TRIM67: variants seen among roughly 807,000 people sequenced by gnomAD.
The protein encoded by TRIM67 is tripartite motif containing 67, also known as tripartite motif-containing protein 67.
A neutral mutation model predicts 71.0 loss-of-function variants in TRIM67; 39 were observed. That is an observed-to-expected ratio of 0.55 (90% CI 0.43 to 0.72). TRIM67 has a LOEUF of 0.72. Ranked by LOEUF, TRIM67 falls within the 30% of genes least tolerant of loss-of-function variation. TRIM67 has a pLI of 0.00. For missense variants in TRIM67, 973 were observed against 1,079.2 expected (o/e 0.90, Z 1.38); for synonymous variants, 481 against 473.9 (o/e 1.01, Z -0.19).
intron 3 of TRIM67, among the ~76,000 whole-genome samples, chr1:231,199,883 C>T (rs1482611616): frequency 2.0e-5 from 3 of 152,216 alleles, no homozygotes; most frequent in Non-Finnish European, 4.4e-5. Flanking sequence ...AGATTATGCT[C>T]TTTCTCTGCA....
At position 231,200,032 on chromosome 1, in the gene TRIM67, T is replaced by A; in HGVS notation, c.1264-116T>A. 1.6e-5 allele frequency: 12 copies of A among 730,732 alleles called. No homozygotes were observed. In the South Asian group the frequency reaches 1.8e-4, roughly 11 times the overall value. 45.3% of individuals were successfully genotyped at this position (730,732 alleles called of 1,614,324 possible). On this transcript the variant is annotated intron_variant, in intron 3 of 9. Transcript: ENST00000366653. ...TGAGAGAGGAGCTGGTGCAAGGTGGTCCAGGCCAGCGCCGCCTCTTCCAGG... is the reference window on the plus strand; with the variant it reads ...TGAGAGAGGAGCTGGTGCAAGGTGGACCAGGCCAGCGCCGCCTCTTCCAGG...
At chr1:231,164,748 G>A (rs907397610) in intron 1 of TRIM67, among the ~76,000 whole-genome samples, 8 of 152,254 alleles carry the variant, frequency 5.3e-5, no homozygotes, top group African/African-American at 7.2e-5. Context: ...TTTGAATTGA[G>A]GAGGAAAATA....
chr1:231,190,426 AG>A (rs1683200309), intron 1 of TRIM67, among the ~76,000 whole-genome samples: 2 of 152,152 alleles, frequency 1.3e-5, no homozygotes, highest in African/African-American at 4.8e-5. Context: ...GCTTTGCCTC[AG>A]GGGATCTCCC....
At position 231,217,145 on chromosome 1, in the gene TRIM67, C is replaced by G. The variant is rs1449840796; in HGVS notation, c.*1705C>G. ...CTCAGCAGGCCCGACAATCCTACCTCAAAGCTCATGCTCTTGGTCTGCAAG... is the reference window on the plus strand; with the variant it reads ...CTCAGCAGGCCCGACAATCCTACCTGAAAGCTCATGCTCTTGGTCTGCAAG... On this transcript the variant is annotated 3_prime_UTR_variant, in exon 10 of 10. Transcript: ENST00000366653. The G allele has an allele frequency of 5.1e-6, 5 of 985,838 alleles. No individual in the cohort carries two copies. In the South Asian group the frequency reaches 1.9e-4, roughly 37 times the overall value. 61.1% of individuals were successfully genotyped at this position (985,838 alleles called of 1,614,324 possible).
chr1:231,167,989 T>C (rs528398671), intron 1 of TRIM67, among the ~76,000 whole-genome samples: 9 of 151,248 alleles, frequency 6.0e-5, no homozygotes, highest in Non-Finnish European at 1.3e-4. Flanking sequence ...TGAGACAGGG[T>C]CTCTCTCTGT....
At chr1:231,211,031 A>AATATAT (rs1553328726) in intron 8 of TRIM67, among the ~76,000 whole-genome samples, 2 of 127,228 alleles carry the variant, frequency 1.6e-5, no homozygotes, top group African/African-American at 2.8e-5. Flanking sequence ...AAAAAAAAAA[A>AATATAT]ATATATATAT....
At chr1:231,181,476 G>T (rs893032975) in intron 1 of TRIM67, among the ~76,000 whole-genome samples, 1 of 152,180 alleles carries the variant, frequency 6.6e-6, no homozygotes, top group African/African-American at 2.4e-5. Flanking sequence ...GGTGGTGTTT[G>T]TTACTGCAGC....
chr1:231,210,867 C>T (rs1683848326), intron 8 of TRIM67, among the ~76,000 whole-genome samples: 1 of 151,258 alleles, frequency 6.6e-6, no homozygotes, highest in African/African-American at 2.4e-5. Context: ...TAGTGAGACC[C>T]TGTCTCTGTA....
At chr1:231,181,663 C>T (rs1256615801) in intron 1 of TRIM67, among the ~76,000 whole-genome samples, 5 of 152,122 alleles carry the variant, frequency 3.3e-5, no homozygotes, top group Non-Finnish European at 7.4e-5. Flanking sequence ...CTACTAGGTC[C>T]ATATTTAGAC....
intron 1 of TRIM67, among the ~76,000 whole-genome samples, chr1:231,181,245 T>G (rs1176319461): frequency 6.6e-6 from 1 of 152,198 alleles, no homozygotes; most frequent in African/African-American, 2.4e-5. Flanking sequence ...ATTACAGGCG[T>G]GAGCCACTGC....
chr1:231,199,004 A>C lies in TRIM67; in HGVS notation c.1141-43A>C, dbSNP rs200418808. ...CACCAGATTTTAGCATCTTCCCCCT[A>C]AAACTCTTTGCTTCTTCCCAACCAA... On this transcript the variant is annotated intron_variant, in intron 2 of 9. Coordinates refer to ENST00000366653, the MANE Select transcript of TRIM67 (RefSeq NM_001004342.5). 179 of 1,613,236 alleles carry C rather than the reference A, an allele frequency of 1.1e-4. No individual in the cohort carries two copies. The African/African-American group carries it at 2.1e-3, about 19-fold the overall frequency.
At chr1:231,212,037 C>T (rs910476133) in intron 8 of TRIM67, among the ~76,000 whole-genome samples, 2 of 152,218 alleles carry the variant, frequency 1.3e-5, no homozygotes, top group Non-Finnish European at 2.9e-5. Flanking sequence ...GCCAAAGAGA[C>T]AGCTAATGCT....
Position 231,220,915 on chromosome 1 carries a change from G to A in TRIM67, c.*5475G>A, listed in dbSNP as rs1684125194. The stretch of plus-strand genomic sequence containing the variant: ...GGCCAAAACCAGGCTTCAGGTTCGG[G>A]AAGGTGACTGCTTGCAACTGCAGTA... On this transcript the variant is annotated 3_prime_UTR_variant, in exon 10 of 10. Transcript: ENST00000366653. 4 of 152,508 alleles carry A rather than the reference G, an allele frequency of 2.6e-5. No individual in the cohort carries two copies. In the South Asian group the frequency reaches 8.3e-4, roughly 32 times the overall value. 9.4% of individuals were successfully genotyped at this position (152,508 alleles called of 1,614,324 possible). A position where few individuals can be genotyped will look rare whatever the true frequency, so the allele number is the denominator to read the frequency against.
chr1:231,182,475 G>A (rs1351357436), intron 1 of TRIM67, among the ~76,000 whole-genome samples: 3 of 152,120 alleles, frequency 2.0e-5, no homozygotes, highest in Non-Finnish European at 4.4e-5. Context: ...TTGGCACAGG[G>A]ACCCAGAAAA....
intron 1 of TRIM67, among the ~76,000 whole-genome samples, chr1:231,193,035 G>A (rs1683274322): frequency 1.3e-5 from 2 of 152,180 alleles, no homozygotes; most frequent in African/African-American, 2.4e-5. Context: ...GCGCTGGCTG[G>A]GACAGAGCCG....
Position 231,217,810 on chromosome 1 carries a change from C to A in TRIM67, c.*2370C>A. On this transcript the variant is annotated 3_prime_UTR_variant, in exon 10 of 10. Coordinates refer to ENST00000366653, the MANE Select transcript of TRIM67 (RefSeq NM_001004342.5). ...CCTGAACCTAACCCCTTTGAGGGAG[C>A]AGCATCCAGGTCAGGAGAGAAGTGG... The A allele has an allele frequency of 7.8e-7, 1 of 1,289,302 alleles. No individual in the cohort carries two copies. The highest frequency in any genetic ancestry group is 2.1e-4 in the Middle Eastern group (1 of 4,686). 79.9% of individuals were successfully genotyped at this position (1,289,302 alleles called of 1,614,324 possible).
intron 6 of TRIM67, among the ~76,000 whole-genome samples, chr1:231,206,398 G>A (rs192186946): frequency 1.4e-4 from 21 of 151,830 alleles, no homozygotes; most frequent in Admixed American, 9.8e-4. Flanking sequence ...CCGAGATCAC[G>A]CCACTCCACT....
intron 1 of TRIM67, among the ~76,000 whole-genome samples, chr1:231,189,341 T>C (rs1042120535): frequency 2.0e-5 from 3 of 152,208 alleles, no homozygotes; most frequent in Non-Finnish European, 4.4e-5. Context: ...TTACCTTACA[T>C]GGCGAAAGAG....
In TRIM67 at chr1:231,208,939, CT is replaced by C; in HGVS notation, c.1820-3del. 3.2e-6 allele frequency: 5 copies of C among 1,565,448 alleles called. No individual in the cohort carries two copies. Among genetic ancestry groups the C allele is most frequent in the Non-Finnish European group, 4.4e-6 (5 of 1,148,764 alleles). On this transcript the variant is annotated splice_polypyrimidine_tract_variant and splice_region_variant and intron_variant, in intron 7 of 9. Transcript: ENST00000366653. ...TGACCCTGCTCCTCTCACCTCCTCC[CT>C]TTTTAGTGGCCTGGTTCACATTTGA...
Sources: gnomAD v4.1 joint callset for allele counts (sites outside exome capture counted in the v4.1 genomes callset) on GRCh38, gnomAD v4.1.1 for gene constraint, MANE v1.5 for transcripts, NCBI Gene and HGNC (gene_info 2026-07-23, HGNC 2026-07-21) for gene names.